The following SULF2 variants were observed in gnomAD, a reference collection of about 807,000 sequenced individuals.
SULF2 encodes extracellular sulfatase Sulf-2.
SULF2 carries 52 observed loss-of-function variants against 107.7 expected under a neutral mutation model. That is an observed-to-expected ratio of 0.48 (90% CI 0.39 to 0.61). The LOEUF (loss-of-function observed/expected upper bound fraction) is 0.61, where lower values mean the gene tolerates loss of function less well. Ranked by LOEUF, SULF2 falls within the 20% of genes least tolerant of loss-of-function variation. SULF2 has a pLI of 0.00. For synonymous variants in SULF2, 460 were observed against 464.3 expected, an observed-to-expected ratio of 0.99 and a Z score of 0.12; for missense variants, 993 against 1,177.3, an observed-to-expected ratio of 0.84 and a Z score of 2.29.
At chr20:47,765,764 G>C (rs1237019187) in intron 1 of SULF2, among the ~76,000 whole-genome samples, 1 of 152,182 alleles carries the variant, frequency 6.6e-6, no homozygotes, top group Non-Finnish European at 1.5e-5. Flanking sequence ...GACAAAACAA[G>C]CAAGCCAGCA....
chr20:47,676,357 T>C, intron 10 of SULF2, 137 bp downstream of exon 10: 1 of 917,972 alleles, frequency 1.1e-6, no homozygotes, highest in Non-Finnish European at 1.6e-6. Context: ...AACAGCATCT[T>C]GGGCACCACA....
At chr20:47,753,082 C>T (rs1416496086) in intron 2 of SULF2, among the ~76,000 whole-genome samples, 1 of 110,910 alleles carries the variant, frequency 9.0e-6, no homozygotes. Flanking sequence ...GCCTGGGTGA[C>T]AGAGTGAGAC....
rs2087505100 is a variant in SULF2, at chr20:47,672,338, C to T, written c.1436G>A (p.Gly479Asp). The T allele has an allele frequency of 6.2e-7, 1 of 1,613,076 alleles. No homozygotes were observed. Among genetic ancestry groups the T allele is most frequent in the African/African-American group, 1.3e-5 (1 of 74,912 alleles). ...TGKLKLHKCK[G>D]PMRLGGSRAL... ...TCTGCTGCCGCCCAGCCGCATGGGG[C>T]CCTTGCACTTATGCAGCTTCAGCTT... The change falls in exon 11 of 21, where the codon GGC (glycine) becomes GAC (aspartate). Residue 479 changes from glycine (G) to aspartate (D), a missense_variant. Coordinates refer to ENST00000688720, the MANE Select transcript of SULF2 (RefSeq NM_001387048.1).
At chr20:47,713,364 C>T (rs115135174) in intron 3 of SULF2, among the ~76,000 whole-genome samples, 3,017 of 152,202 alleles carry the variant, frequency 0.02, 58 homozygotes, top group Middle Eastern at 0.054. Context: ...AATGATCCAG[C>T]CCCAAAGTGT....
At chr20:47,664,925 A>C (rs553283582) in intron 14 of SULF2, among the ~76,000 whole-genome samples, 38 of 152,368 alleles carry the variant, frequency 2.5e-4, no homozygotes, top group African/African-American at 8.4e-4. Context: ...GGCAATCGGC[A>C]GAGGCACTTT....
chr20:47,684,338 C>T (rs1244674942), intron 6 of SULF2, 93 bp downstream of exon 6: 4 of 1,373,172 alleles, frequency 2.9e-6, no homozygotes, highest in Admixed American at 5.7e-5. Context: ...TTCTATTCCT[C>T]CAGGAAAACC....
At chr20:47,753,098 C>CAA (rs10578438) in intron 2 of SULF2, among the ~76,000 whole-genome samples, 5,733 of 90,500 alleles carry the variant, frequency 0.063, 165 homozygotes, top group East Asian at 0.15. Flanking sequence ...GAGACTCTCT[C>CAA]AAAAAAAAAA....
intron 1 of SULF2, among the ~76,000 whole-genome samples, chr20:47,761,620 TC>T (rs2090422251): frequency 6.6e-6 from 1 of 152,220 alleles, no homozygotes; most frequent in African/African-American, 2.4e-5. Context: ...GCGCTCGCAC[TC>T]TCTTTTGAAG....
At chr20:47,745,448 TATATATATACAC>T (rs1223385470) in intron 2 of SULF2, among the ~76,000 whole-genome samples, 1,418 of 15,488 alleles carry the variant, frequency 0.092, 117 homozygotes, top group South Asian at 0.12. Context: ...TATATATATA[TATATATATACAC>T]ATACACACAC....
intron 4 of SULF2, among the ~76,000 whole-genome samples, chr20:47,702,311 TA>T (rs1370654007): frequency 6.6e-6 from 1 of 152,180 alleles, no homozygotes; most frequent in Non-Finnish European, 1.5e-5. Context: ...TCACCTGCCT[TA>T]GCCTCCCAAA....
chr20:47,776,482 C>T (rs1428871538), intron 1 of SULF2, among the ~76,000 whole-genome samples: 5 of 152,044 alleles, frequency 3.3e-5, no homozygotes, highest in Admixed American at 6.5e-5. Flanking sequence ...ACAAAGTGCT[C>T]GGTAAATGTG....
At chr20:47,681,164 A>C (rs2087811690) in intron 7 of SULF2, among the ~76,000 whole-genome samples, 2 of 152,214 alleles carry the variant, frequency 1.3e-5, no homozygotes, top group African/African-American at 4.8e-5. Flanking sequence ...GAGAGATAAG[A>C]AATGAGAGCT....
At position 47,666,472 on chromosome 20, in the gene SULF2, A is replaced by G. The variant is rs763747396; in HGVS notation, c.1593T>C (p.Tyr531=). Residue 531 remains tyrosine, a synonymous_variant, in exon 12 of 21, where the codon TAT becomes TAC. Coordinates refer to ENST00000688720, the MANE Select transcript of SULF2 (RefSeq NM_001387048.1). This position sits in a 1 kb window ranked among gnomAD's most constrained non-coding sequence, Gnocchi z 5.4. ...CTGAGCGGATGGAGCGACTGCGGACATAGCTGGCCTTGTACTCTGTGGGCA... is the reference window on the plus strand; with the variant it reads ...CTGAGCGGATGGAGCGACTGCGGACGTAGCTGGCCTTGTACTCTGTGGGCA... ...KLFKKKYKAS[Y]VRSRSIRSVA... 13 of 1,613,322 alleles carry G rather than the reference A, an allele frequency of 8.1e-6. No homozygotes were observed. The highest frequency in any genetic ancestry group is 1.1e-5 in the Non-Finnish European group (13 of 1,180,000).
At chr20:47,677,476 C>T (rs986246853) in intron 8 of SULF2, among the ~76,000 whole-genome samples, 44 of 152,084 alleles carry the variant, frequency 2.9e-4, no homozygotes, top group Non-Finnish European at 1.3e-4. Flanking sequence ...CAGCAACTCC[C>T]CCGGCACTAG....
At chr20:47,770,417 C>T (rs2090608104) in intron 1 of SULF2, among the ~76,000 whole-genome samples, 1 of 151,928 alleles carries the variant, frequency 6.6e-6, no homozygotes, top group Non-Finnish European at 1.5e-5. Flanking sequence ...GACTGCAGGG[C>T]ATGAGGGTAG....
intron 4 of SULF2, among the ~76,000 whole-genome samples, chr20:47,698,017 C>T (rs2088441590): frequency 6.6e-6 from 1 of 152,192 alleles, no homozygotes; most frequent in Admixed American, 6.5e-5. Flanking sequence ...GGAATTAATT[C>T]ACTTGGGAGG....
At chr20:47,772,594 G>C (rs909292313) in intron 1 of SULF2, among the ~76,000 whole-genome samples, 1 of 152,072 alleles carries the variant, frequency 6.6e-6, no homozygotes, top group Non-Finnish European at 1.5e-5. Flanking sequence ...AAAAGGAAAA[G>C]GGGAAAAAGG....
In SULF2 at chr20:47,702,389, T is replaced by C. The variant is rs114227911; in HGVS notation, c.567+130A>G. 1,909 of 1,030,324 alleles carry C rather than the reference T, an allele frequency of 1.9e-3. 23 individuals carry two copies. In the African/African-American group the frequency reaches 0.021, roughly 11 times the overall value. 63.8% of individuals were successfully genotyped at this position (1,030,324 alleles called of 1,614,324 possible). On this transcript the variant is annotated intron_variant, in intron 4 of 20. Transcript: ENST00000688720. Reference sequence around the variant, plus strand: ...GATGAAAAACTGAGGAGGAGGTGTATGTAAAATGCTCAAGGTCACACTTTT... The same window carrying C: ...GATGAAAAACTGAGGAGGAGGTGTACGTAAAATGCTCAAGGTCACACTTTT...
intron 14 of SULF2, among the ~76,000 whole-genome samples, chr20:47,664,395 G>A (rs915012037): frequency 2.6e-5 from 4 of 152,238 alleles, no homozygotes; most frequent in Admixed American, 1.3e-4. Context: ...GCATGAGCCA[G>A]GACTCTGCCT....
Sources: allele counts gnomAD v4.1 joint callset (sites outside exome capture counted in the v4.1 genomes callset), GRCh38; gene constraint gnomAD v4.1.1; non-coding constraint Gnocchi (gnomAD v3.1); transcripts MANE v1.5; gene names NCBI Gene and HGNC (gene_info 2026-07-23, HGNC 2026-07-21).